Variants in MASP1 observed in about 807,000 individuals in gnomAD.
MASP1 encodes mannan-binding lectin serine protease 1.
In MASP1, 59 loss-of-function variants were observed where a neutral mutation model predicts 77.1. The ratio of observed to expected loss-of-function variants is 0.77; its 90% confidence interval spans 0.62 to 0.95. MASP1 has a LOEUF of 0.95. MASP1 is among the 40% of genes least tolerant of loss of function. MASP1 has a pLI of 0.00. For synonymous variants in MASP1, 362 were observed against 354.5 expected (o/e 1.02, Z -0.24); for missense variants, 885 against 912.9 (o/e 0.97, Z 0.39).
chr3:187,269,553 A>G (rs1325841900), intron 2 of MASP1, among the ~76,000 whole-genome samples: 1 of 152,214 alleles, frequency 6.6e-6, no homozygotes, highest in Non-Finnish European at 1.5e-5. Flanking sequence ...ATCAGAGGCA[A>G]GAGCCACTCT....
At position 187,235,438 on chromosome 3, in the gene MASP1, C is replaced by G. The variant is rs850313; in HGVS notation, c.*246G>C. The G allele has an allele frequency of 0.71, 1,069,192 of 1,502,058 alleles. 381,492 individuals carry two copies. Among genetic ancestry groups the G allele is most frequent in the Admixed American group, 0.74 (37,029 of 49,858 alleles). 93.0% of individuals were successfully genotyped at this position (1,502,058 alleles called of 1,614,324 possible). A position where few individuals can be genotyped will look rare whatever the true frequency, so the allele number is the denominator to read the frequency against. On this transcript the variant is annotated 3_prime_UTR_variant, in exon 11 of 11. Transcript: ENST00000296280. ...GGTTGAGCTCCTGCATTGTATTACT[C>G]GGTAGAGTGAGGCCCAGACAGGGAA...
chr3:187,281,389 G>A (rs1022463691), intron 2 of MASP1, among the ~76,000 whole-genome samples: 1 of 152,234 alleles, frequency 6.6e-6, no homozygotes, highest in African/African-American at 2.4e-5. Flanking sequence ...AAATGTTCCT[G>A]TGAGTTGGAA....
chr3:187,227,886 G>A (rs181316889), intron 11 of MASP1, among the ~76,000 whole-genome samples: 15 of 152,222 alleles, frequency 9.9e-5, no homozygotes, highest in African/African-American at 2.6e-4. Flanking sequence ...GTCAGTGTGG[G>A]CATTAATGAG....
At position 187,235,812 on chromosome 3, in the gene MASP1, C is replaced by A; in HGVS notation, c.2059G>T (p.Gly687Trp). The A allele has an allele frequency of 1.2e-6, 2 of 1,614,190 alleles. No homozygotes were observed. Among genetic ancestry groups the A allele is most frequent in the Non-Finnish European group, 1.7e-6 (2 of 1,180,024 alleles). Residue 687 changes from glycine to tryptophan, a missense_variant, in exon 11 of 11, where the codon GGG (glycine) becomes TGG (tryptophan). By Grantham distance (184) the Gly-to-Trp change is radical (BLOSUM62 -2). Transcript: ENST00000296280. ...RWVVQGLVSW[G>W]GPEECGSKQV... ...TTGCTGCCGCATTCTTCAGGTCCCC[C>A]CCAGGACACCAGGCCTTGCACCACC...
At chr3:187,274,038 T>TGAG (rs1716749220) in intron 2 of MASP1, among the ~76,000 whole-genome samples, 1 of 152,058 alleles carries the variant, frequency 6.6e-6, no homozygotes, top group African/African-American at 2.4e-5. Flanking sequence ...TGAAACCTTG[T>TGAG]CTCCACTAAA....
intron 5 of MASP1, among the ~76,000 whole-genome samples, chr3:187,254,674 A>T (rs756104644): frequency 7.9e-5 from 12 of 152,080 alleles, no homozygotes; most frequent in Non-Finnish European, 1.6e-4. Flanking sequence ...AAAACAAAAC[A>T]AAAAACAGTT....
chr3:187,236,684 A>G, intron 10 of MASP1, 117 bp from the exon 11 acceptor site: 1 of 1,567,324 alleles, frequency 6.4e-7, no homozygotes, highest in East Asian at 2.3e-5. Flanking sequence ...CCACCATGGG[A>G]CCCTAACCTG....
intron 2 of MASP1, among the ~76,000 whole-genome samples, chr3:187,265,099 A>G (rs1482546216): frequency 1.3e-5 from 2 of 152,142 alleles, no homozygotes; most frequent in Non-Finnish European, 2.9e-5. Flanking sequence ...CACAGTTCTA[A>G]CAAATCATCA....
intron 2 of MASP1, among the ~76,000 whole-genome samples, chr3:187,278,697 T>C (rs548938972): frequency 7.8e-4 from 119 of 152,278 alleles, no homozygotes; most frequent in Non-Finnish European, 1.6e-4. Flanking sequence ...AGCCTCTGAT[T>C]CCTCCTTTTT....
rs1359987268 is a variant in MASP1 at position 187,235,542 on chromosome 3, C to T, written c.*142G>A. ...ATACCACACTCTGCCTCTCAGGGTC[C>T]TGGGGGCTGTCTCGGTAGGAGAAGC... On this transcript the variant is annotated 3_prime_UTR_variant, in exon 11 of 11. Transcript: ENST00000296280. The T allele has an allele frequency of 6.5e-7, 1 of 1,540,734 alleles. No homozygotes were observed. Among genetic ancestry groups the T allele is most frequent in the Non-Finnish European group, 8.7e-7 (1 of 1,151,052 alleles).
chr3:187,253,903 C>T (rs1714847850), intron 5 of MASP1, among the ~76,000 whole-genome samples: 1 of 151,972 alleles, frequency 6.6e-6, no homozygotes, highest in Non-Finnish European at 1.5e-5. Flanking sequence ...GGGCTTAAAA[C>T]CTAGGTGACG....
intron 13 of MASP1, among the ~76,000 whole-genome samples, chr3:187,225,033 C>G (rs538690206): frequency 1.3e-5 from 2 of 152,240 alleles, no homozygotes; most frequent in Non-Finnish European, 2.9e-5. Context: ...CAGCTCTTCC[C>G]TCTTACTTCT....
In MASP1 at chr3:187,235,415, T is replaced by C. The variant is rs536034846; in HGVS notation, c.*269A>G. ...GCTGGGATTGGCACAGAGGCCTTGGTTGAGCTCCTGCATTGTATTACTCGG... is the reference window on the plus strand; with the variant it reads ...GCTGGGATTGGCACAGAGGCCTTGGCTGAGCTCCTGCATTGTATTACTCGG... On this transcript the variant is annotated 3_prime_UTR_variant, in exon 11 of 11. Transcript: ENST00000296280. 6 of 1,482,036 alleles carry C rather than the reference T, an allele frequency of 4.0e-6. No individual in the cohort carries two copies. The East Asian group carries it at 8.4e-5, about 21-fold the overall frequency. 91.8% of individuals were successfully genotyped at this position (1,482,036 alleles called of 1,614,324 possible). A position where few individuals can be genotyped will look rare whatever the true frequency, so the allele number is the denominator to read the frequency against.
At chr3:187,241,667 C>G (rs1210253020) in intron 9 of MASP1, 112 bp from the exon 10 acceptor site, 1 of 758,624 alleles carries the variant, frequency 1.3e-6, no homozygotes, top group Non-Finnish European at 2.4e-6. Flanking sequence ...CAAAGTCCTC[C>G]AAATGGTCAT....
At position 187,253,159 on chromosome 3, in the gene MASP1, A is replaced by G. The variant is rs745717117; in HGVS notation, c.892+9T>C. 4 of 1,613,130 alleles carry G rather than the reference A, an allele frequency of 2.5e-6. No homozygotes were observed. Among genetic ancestry groups the G allele is most frequent in the African/African-American group, 2.7e-5 (2 of 74,990 alleles). On this transcript the variant is annotated intron_variant, in intron 6 of 10. Coordinates refer to ENST00000296280, the MANE Select transcript of MASP1 (RefSeq NM_139125.4). Reference sequence around the variant, plus strand: ...GCAGCTCGGTGTGACCTGGGAGGGAAGAGGTTACCTGCAGCCCTGTATGAG... The same window carrying G: ...GCAGCTCGGTGTGACCTGGGAGGGAGGAGGTTACCTGCAGCCCTGTATGAG...
chr3:187,222,771 C>A (rs1392205092), intron 14 of MASP1, among the ~76,000 whole-genome samples: 1 of 151,814 alleles, frequency 6.6e-6, no homozygotes, highest in Non-Finnish European at 1.5e-5. Context: ...TTCTCAAGAG[C>A]CTGGCTCATT....
chr3:187,279,940 T>C (rs1273368526), intron 2 of MASP1, among the ~76,000 whole-genome samples: 1 of 152,204 alleles, frequency 6.6e-6, no homozygotes, highest in Non-Finnish European at 1.5e-5. Flanking sequence ...GAGGACTTTA[T>C]AGTTCATTTT....
chr3:187,226,616 C>T (rs1712451704), intron 11 of MASP1: 3 of 821,756 alleles, frequency 3.7e-6, no homozygotes, highest in Non-Finnish European at 6.2e-6. Context: ...CAGAGGACCC[C>T]TCAAGACCTT....
chr3:187,243,738 A>G lies in MASP1; in HGVS notation c.1091-117T>C, dbSNP rs1049327192. ...TGCACTGCACACAATTCCAGAAAGC[A>G]ATGTTATAATGCCTCTGAAGGGCAC... On this transcript the variant is annotated intron_variant, in intron 8 of 10. Coordinates refer to ENST00000296280, the MANE Select transcript of MASP1 (RefSeq NM_139125.4). 19 of 1,281,122 alleles carry G rather than the reference A, an allele frequency of 1.5e-5. No individual in the cohort carries two copies. The African/African-American group carries it at 1.9e-4, about 13-fold the overall frequency. The allele number at this position is 1,281,122 out of a possible 1,614,324, so 79.4% of individuals were successfully genotyped here. A position where few individuals can be genotyped will look rare whatever the true frequency, so the allele number is the denominator to read the frequency against.
Sources: gnomAD v4.1 joint callset for allele counts (sites outside exome capture counted in the v4.1 genomes callset) on GRCh38, gnomAD v4.1.1 for gene constraint, MANE v1.5 for transcripts, NCBI Gene and HGNC (gene_info 2026-07-23, HGNC 2026-07-21) for gene names.